Variants in DAB1 observed in about 807,000 individuals in gnomAD.
DAB1 encodes the protein DAB adaptor protein 1.
In DAB1, 15 loss-of-function variants were observed where a neutral mutation model predicts 64.6. The ratio of observed to expected loss-of-function variants is 0.23; its 90% CI spans 0.16 to 0.36. The LOEUF is 0.36. DAB1 is among the 10% of genes least tolerant of loss of function. The pLI is 1.00. For synonymous variants in DAB1, 235 were observed against 251.9 expected, an observed-to-expected ratio of 0.93 and a Z score of 0.64; for missense variants, 596 against 706.7, an observed-to-expected ratio of 0.84 and a Z score of 1.78.
rs184253901 is a variant in DAB1, at chr1:58,099,580, A to G, written n.387+50931T>C. Among the ~76,000 whole-genome samples, 32 of 152,334 alleles carry G rather than the reference A, an allele frequency of 2.1e-4. 2 individuals are homozygous for G. In the East Asian group the frequency reaches 6.0e-3, roughly 28 times the overall value. On this transcript the variant is annotated intron_variant and non_coding_transcript_variant, in intron 5 of 20. Transcript: ENST00000485760. ...GGGCACAATACTTAAACAGCATGGC[A>G]CAGGCACCAAGAAGAACATATCAGA...
intron 3 of DAB1, among the ~76,000 whole-genome samples, chr1:58,369,937 G>C (rs1257696433): frequency 6.6e-6 from 1 of 152,182 alleles, no homozygotes; most frequent in Non-Finnish European, 1.5e-5. Flanking sequence ...TGGGAAAACA[G>C]GTATTATCAT....
At chr1:57,821,884 A>T (rs1364995292), downstream of DAB1, among the ~76,000 whole-genome samples, 1 of 152,188 alleles carries the variant, frequency 6.6e-6, no homozygotes, top group African/African-American at 2.4e-5. Context: ...TGTGCATGGT[A>T]CTCTGATGAG....
intron 1 of DAB1, among the ~76,000 whole-genome samples, chr1:57,304,399 A>T (rs772262619): frequency 2.0e-5 from 3 of 150,276 alleles, no homozygotes; most frequent in Non-Finnish European, 4.4e-5. Flanking sequence ...TCAACATGAG[A>T]TTTGGGCAGG....
intron 7 of DAB1, among the ~76,000 whole-genome samples, chr1:57,547,818 T>G (rs567065258): frequency 2.6e-5 from 4 of 152,194 alleles, no homozygotes; most frequent in Non-Finnish European, 5.9e-5. Context: ...AGAAACTGAG[T>G]GACGAGTACA....
intron 6 of DAB1, among the ~76,000 whole-genome samples, chr1:57,657,089 C>A (rs1646327672): frequency 6.6e-6 from 1 of 152,212 alleles, no homozygotes. Context: ...ACCCCAGCAT[C>A]TCTGAGGCCT....
chr1:58,010,268 G>A (rs1234418342), intron 5 of DAB1, among the ~76,000 whole-genome samples: 1 of 152,194 alleles, frequency 6.6e-6, no homozygotes, highest in Non-Finnish European at 1.5e-5. Flanking sequence ...CACAGACTTA[G>A]TTGGAAAGCA....
At position 57,234,268 on chromosome 1, in the gene DAB1, G is replaced by A. The variant is rs372545270; in HGVS notation, c.67+56696C>T. Among the ~76,000 whole-genome samples, 10 of 152,188 alleles carry A rather than the reference G, an allele frequency of 6.6e-5. No homozygotes were observed. The East Asian group carries it at 1.6e-3, about 24-fold the overall frequency. Reference sequence around the variant, plus strand: ...ATTTGAATCATAAAGATTATGGTCAGGACATGAAAATCCCTATTTTAGTAA... The same window carrying A: ...ATTTGAATCATAAAGATTATGGTCAAGACATGAAAATCCCTATTTTAGTAA... On this transcript the variant is annotated intron_variant, in intron 2 of 14. Coordinates refer to ENST00000371236, the MANE Select transcript of DAB1 (RefSeq NM_001365792.1).
intron 5 of DAB1, among the ~76,000 whole-genome samples, chr1:58,075,012 C>G (rs1258267563): frequency 1.3e-5 from 2 of 152,182 alleles, no homozygotes; most frequent in Admixed American, 1.3e-4. Flanking sequence ...CAGGCAAACA[C>G]TTCCACCAAC....
chr1:57,829,552 G>A (rs1013157802), intron 1 of DAB1, among the ~76,000 whole-genome samples: 2 of 152,180 alleles, frequency 1.3e-5, no homozygotes, highest in Non-Finnish European at 2.9e-5. Flanking sequence ...AATATTTCCA[G>A]TTGATAGGAT....
At chr1:58,474,402 A>G (rs866624976) in intron 3 of DAB1, among the ~76,000 whole-genome samples, 38 of 147,532 alleles carry the variant, frequency 2.6e-4, no homozygotes, top group Middle Eastern at 3.5e-3. Context: ...AAAAGTAATG[A>G]AAAAAAAAAA....
At chr1:57,098,767 A>T (rs1654402839) in intron 4 of DAB1, among the ~76,000 whole-genome samples, 1 of 152,204 alleles carries the variant, frequency 6.6e-6, no homozygotes, top group Non-Finnish European at 1.5e-5. Context: ...TTATTTAAAA[A>T]TTGGGGCAAT....
At chr1:57,661,132 A>T (rs1646381553) in intron 6 of DAB1, among the ~76,000 whole-genome samples, 1 of 150,914 alleles carries the variant, frequency 6.6e-6, no homozygotes, top group Admixed American at 6.6e-5. Context: ...GTCTGGGGGA[A>T]AAAAAAAAGG....
chr1:57,585,092 T>C (rs746783493), intron 7 of DAB1, among the ~76,000 whole-genome samples: 7 of 151,740 alleles, frequency 4.6e-5, no homozygotes, highest in Non-Finnish European at 1.0e-4. Flanking sequence ...CTACTAAAAA[T>C]ACAAAAATTA....
At chr1:57,309,837 G>A (rs1278474166) in intron 1 of DAB1, among the ~76,000 whole-genome samples, 1 of 152,202 alleles carries the variant, frequency 6.6e-6, no homozygotes, top group African/African-American at 2.4e-5. Flanking sequence ...AAAGAAGGAA[G>A]GACAAAGTAC....
intron 3 of DAB1, among the ~76,000 whole-genome samples, chr1:58,402,918 T>C (rs1394602849): frequency 3.3e-5 from 5 of 152,234 alleles, no homozygotes; most frequent in Non-Finnish European, 7.4e-5. Context: ...TTGACCTCTC[T>C]TGGACAAGCT....
At chr1:57,564,941 T>A (rs990504586) in intron 7 of DAB1, among the ~76,000 whole-genome samples, 1 of 152,004 alleles carries the variant, frequency 6.6e-6, no homozygotes. Context: ...AAGATACTCC[T>A]CGAGAAGAGC....
chr1:58,254,481 G>A (rs1352197845), intron 4 of DAB1, among the ~76,000 whole-genome samples: 3 of 130,604 alleles, frequency 2.3e-5, no homozygotes, highest in Non-Finnish European at 4.8e-5. Flanking sequence ...CCATGCTGGT[G>A]CGCTGCACCC....
chr1:57,980,930 CAT>C (rs943878532), intron 5 of DAB1, among the ~76,000 whole-genome samples: 17 of 150,636 alleles, frequency 1.1e-4, no homozygotes, highest in African/African-American at 3.7e-4. Flanking sequence ...CACACACACA[CAT>C]AGATATAGAT....
chr1:57,587,753 G>C (rs1479389574), intron 7 of DAB1, among the ~76,000 whole-genome samples: 2 of 152,210 alleles, frequency 1.3e-5, no homozygotes, highest in Non-Finnish European at 2.9e-5. Flanking sequence ...GCTCAGAGCA[G>C]TGAAGAGACT....
Sources: gnomAD v4.1 joint callset for allele counts (sites outside exome capture counted in the v4.1 genomes callset) on GRCh38, gnomAD v4.1.1 for gene constraint, MANE v1.5 for transcripts, NCBI Gene and HGNC (gene_info 2026-07-23, HGNC 2026-07-21) for gene names.